FHL2: variants seen among roughly 807,000 people sequenced by gnomAD.
FHL2 encodes the protein four and a half LIM domains 2.
A neutral mutation model predicts 32.7 loss-of-function variants in FHL2; 20 were observed. The observed-to-expected ratio is 0.61, with a 90% CI of 0.43 to 0.89. The LOEUF (loss-of-function observed/expected upper bound fraction) is 0.89. FHL2 is among the 40% of genes least tolerant of loss of function. The pLI is 0.00. For synonymous variants in FHL2, 123 were observed against 128.1 expected, an observed-to-expected ratio of 0.96 and a Z score of 0.27; for missense variants, 311 against 358.6, an observed-to-expected ratio of 0.87 and a Z score of 1.07.
intron 1 of FHL2, among the ~76,000 whole-genome samples, chr2:105,418,511 C>G (rs1684001570): frequency 6.6e-6 from 1 of 152,052 alleles, no homozygotes; most frequent in Non-Finnish European, 1.5e-5. Flanking sequence ...TCCAAAAGAC[C>G]AGGTACCACT....
At chr2:105,425,359 C>T (rs1684227507) in intron 1 of FHL2, among the ~76,000 whole-genome samples, 1 of 152,148 alleles carries the variant, frequency 6.6e-6, no homozygotes, top group Non-Finnish European at 1.5e-5. Flanking sequence ...TGCAGAAAGC[C>T]GCAGGGAACT....
intron 1 of FHL2, among the ~76,000 whole-genome samples, chr2:105,426,983 G>A (rs994814017): frequency 6.6e-5 from 10 of 152,132 alleles, no homozygotes; most frequent in South Asian, 2.1e-4. Flanking sequence ...AAGGCATTTC[G>A]TTGGCTCTAG....
At chr2:105,377,397 G>A (rs1189290210) in intron 3 of FHL2, among the ~76,000 whole-genome samples, 4 of 152,176 alleles carry the variant, frequency 2.6e-5, no homozygotes, top group African/African-American at 9.7e-5. Context: ...TTGGGAGGCC[G>A]AGGCAGGCGG....
At chr2:105,397,040 T>A (rs1377469295) in intron 1 of FHL2, 1 of 209,220 alleles carries the variant, frequency 4.8e-6, no homozygotes, top group African/African-American at 2.5e-5. Flanking sequence ...TTGGCAATAT[T>A]CTATTGGGCG....
At chr2:105,379,310 T>G (rs1573322778) in intron 3 of FHL2, among the ~76,000 whole-genome samples, 1 of 152,210 alleles carries the variant, frequency 6.6e-6, no homozygotes, top group South Asian at 2.1e-4. Context: ...AGACCACAGC[T>G]AATAATGAGA....
In FHL2 at chr2:105,363,286, G is replaced by A. The variant is rs369765217; in HGVS notation, c.687C>T (p.Ser229=). ...KKCAGCTNPI[S]GLGGTKYISF... Reference sequence around the variant, plus strand: ...AAATGGGAACCCCGGGACACTCACCGCTGATGGGGTTGGTGCACCCAGCAC... The same window carrying A: ...AAATGGGAACCCCGGGACACTCACCACTGATGGGGTTGGTGCACCCAGCAC... Residue 229 remains serine (S), a splice_region_variant and synonymous_variant, in exon 6 of 7, where the codon AGC becomes AGT. Coordinates refer to ENST00000530340, the MANE Select transcript of FHL2 (RefSeq NM_001318895.3). 2.6e-5 allele frequency: 42 copies of A among 1,613,866 alleles called. No individual in the cohort carries two copies. In the African/African-American group the frequency reaches 2.8e-4, roughly 11 times the overall value.
chr2:105,382,140 A>G (rs1008250350), intron 3 of FHL2, among the ~76,000 whole-genome samples: 7 of 152,214 alleles, frequency 4.6e-5, no homozygotes, highest in Admixed American at 6.5e-5. Flanking sequence ...TTTACAGCCA[A>G]TTTGATCATC....
At chr2:105,381,453 C>T (rs974098712) in intron 3 of FHL2, among the ~76,000 whole-genome samples, 1 of 152,108 alleles carries the variant, frequency 6.6e-6, no homozygotes, top group Non-Finnish European at 1.5e-5. Context: ...CTTCGCGCAG[C>T]TTGTCAAAGG....
chr2:105,376,976 G>A (rs780860162), intron 3 of FHL2, among the ~76,000 whole-genome samples: 2 of 152,216 alleles, frequency 1.3e-5, no homozygotes, highest in Non-Finnish European at 2.9e-5. Context: ...TCACATTCAT[G>A]GAGACAGAAA....
downstream of FHL2, chr2:105,359,509 C>T (rs1013288025): frequency 1.3e-5 from 2 of 152,200 alleles, no homozygotes; most frequent in Non-Finnish European, 2.9e-5. Flanking sequence ...TTTTCTGTTG[C>T]TCAGCCTATC....
intron 3 of FHL2, among the ~76,000 whole-genome samples, chr2:105,379,653 G>A (rs1341929887): frequency 3.3e-5 from 5 of 152,250 alleles, no homozygotes; most frequent in Admixed American, 1.3e-4. Flanking sequence ...TACCTGGCAC[G>A]TCAGCCCCTT....
At chr2:105,381,959 C>G (rs993955691) in intron 3 of FHL2, among the ~76,000 whole-genome samples, 1 of 152,086 alleles carries the variant, frequency 6.6e-6, no homozygotes, top group Non-Finnish European at 1.5e-5. Context: ...CAAACCTGAC[C>G]TTACACCTTT....
chr2:105,429,575 T>C (rs7600556), intron 1 of FHL2, among the ~76,000 whole-genome samples: 84,682 of 152,036 alleles, frequency 0.56, 24,019 homozygotes, highest in African/African-American at 0.65. Context: ...AAACATTCCT[T>C]CTCTAGAGCC....
chr2:105,370,497 G>A (rs551457880), intron 4 of FHL2, among the ~76,000 whole-genome samples: 27 of 152,160 alleles, frequency 1.8e-4, no homozygotes, highest in Admixed American at 5.2e-4. Flanking sequence ...ATAGGGGCGC[G>A]AGAGCCGGTA....
chr2:105,420,458 T>C (rs1455721220), intron 1 of FHL2, among the ~76,000 whole-genome samples: 2 of 152,166 alleles, frequency 1.3e-5, no homozygotes, highest in East Asian at 3.9e-4. Flanking sequence ...AATAAGGCCA[T>C]AGAGTTATTA....
chr2:105,397,548 C>T (rs1683225021), intron 1 of FHL2, among the ~76,000 whole-genome samples: 1 of 152,148 alleles, frequency 6.6e-6, no homozygotes, highest in South Asian at 2.1e-4. Context: ...CTGCCTGTGG[C>T]TATTTGTGAG....
At chr2:105,408,517 C>T (rs569127438) in intron 1 of FHL2, among the ~76,000 whole-genome samples, 38 of 152,340 alleles carry the variant, frequency 2.5e-4, no homozygotes, top group South Asian at 4.1e-4. Flanking sequence ...ACGAGAAGTA[C>T]GGCTTCACCC....
At chr2:105,367,344 G>T (rs1274203003) in intron 5 of FHL2, among the ~76,000 whole-genome samples, 2 of 152,164 alleles carry the variant, frequency 1.3e-5, no homozygotes, top group Admixed American at 1.3e-4. Flanking sequence ...AAGAAGGCAG[G>T]GTTAAACGAT....
chr2:105,402,413 AT>A, upstream of FHL2, among the ~76,000 whole-genome samples: 1 of 152,050 alleles, frequency 6.6e-6, no homozygotes, highest in Non-Finnish European at 1.5e-5. Context: ...TACCCGGCTA[AT>A]TTTTTATAAT....
Sources: gnomAD v4.1 joint callset for allele counts (sites outside exome capture counted in the v4.1 genomes callset) on GRCh38, gnomAD v4.1.1 for gene constraint, MANE v1.5 for transcripts, NCBI Gene and HGNC (gene_info 2026-07-23, HGNC 2026-07-21) for gene names.